The following EDRF1 variants were observed in gnomAD, a reference collection of about 807,000 sequenced individuals.
EDRF1 encodes erythroid differentiation-related factor 1.
Under a neutral mutation model 148.7 loss-of-function variants are expected in EDRF1, and 69 were observed. The observed-to-expected ratio is 0.46, with a 90% CI of 0.38 to 0.57. The LOEUF (loss-of-function observed/expected upper bound fraction) is 0.57, where lower values mean the gene tolerates loss of function less well. EDRF1 is among the 20% of genes least tolerant of loss of function. EDRF1 has a pLI of 0.00. For synonymous variants in EDRF1, 515 were observed against 532.8 expected, an observed-to-expected ratio of 0.97 and a Z score of 0.46; for missense variants, 1,118 against 1,478.7, an observed-to-expected ratio of 0.76 and a Z score of 4.00.
Position 125,749,708 on chromosome 10 carries a change from G to A in EDRF1, c.3277+143G>A, listed in dbSNP as rs993793834. The A allele has an allele frequency of 2.1e-5, 19 of 919,052 alleles. No homozygotes were observed. The Admixed American group carries it at 2.9e-4, about 14-fold the overall frequency. 56.9% of individuals were successfully genotyped at this position (919,052 alleles called of 1,614,324 possible). A position where few individuals can be genotyped will look rare whatever the true frequency, so the allele number is the denominator to read the frequency against. The stretch of plus-strand genomic sequence containing the variant: ...GTTAATGACTTCGGGTAGAGAGGGT[G>A]AGAAATCACTACATGTTTTGAAGTG... On this transcript the variant is annotated intron_variant, in intron 22 of 24. Transcript: ENST00000356792.
chr10:125,742,625 C>A (rs1849089365), intron 17 of EDRF1: 1 of 985,086 alleles, frequency 1.0e-6, no homozygotes, highest in African/African-American at 1.7e-5. Flanking sequence ...TACTCTAGTC[C>A]CCACTAGATG....
chr10:125,731,994 A>G (rs932574598), intron 9 of EDRF1: 14 of 392,886 alleles, frequency 3.6e-5, no homozygotes, highest in African/African-American at 2.4e-4. Flanking sequence ...CTGGCTGAGG[A>G]CATGCTTTGA....
chr10:125,745,454 T>G (rs371024525), intron 18 of EDRF1: 1 of 530,124 alleles, frequency 1.9e-6, no homozygotes, highest in South Asian at 2.1e-5. Flanking sequence ...AATTACGTCT[T>G]TAAAGGACCT....
Position 125,733,540 on chromosome 10 carries a change from G to A in EDRF1, c.1265G>A (p.Trp422Ter). The A allele has an allele frequency of 6.2e-7, 1 of 1,601,168 alleles. No individual in the cohort carries two copies. The highest frequency in any genetic ancestry group is 1.1e-5 in the South Asian group (1 of 90,778). ...SNCTKEGHTY[W>*]LFKASGSDIV... ...TGTACCAAAGAAGGACATACCTATTGGCTCTTTAAAGGTAAGCTATTAATA... is the reference window on the plus strand; with the variant it reads ...TGTACCAAAGAAGGACATACCTATTAGCTCTTTAAAGGTAAGCTATTAATA... The change falls in exon 10 of 25, where the codon TGG becomes TAG. Residue 422 changes from tryptophan to a stop codon, truncating the protein, a stop_gained. Transcript: ENST00000356792. LOFTEE classifies it high-confidence loss of function.
At chr10:125,738,195 A>T in intron 14 of EDRF1, 100 bp from the exon 15 acceptor site, 1 of 1,502,912 alleles carries the variant, frequency 6.7e-7, no homozygotes. Context: ...TGAGATGGAA[A>T]TTTTCCTAAA....
Position 125,728,282 on chromosome 10 carries a change from A to C in EDRF1, c.793-721A>C, listed in dbSNP as rs373859335. On this transcript the variant is annotated intron_variant, in intron 6 of 24. Transcript: ENST00000356792. Reference sequence around the variant, plus strand: ...ATTTGGGAAACATTGGTTTTTACAAAGATAAAGTAGATTTTTCTATTGCAG... The same window carrying C: ...ATTTGGGAAACATTGGTTTTTACAACGATAAAGTAGATTTTTCTATTGCAG... 5.0e-4 allele frequency among the ~76,000 whole-genome samples: 76 copies of C among 152,284 alleles called. 1 individual carries two copies. Among genetic ancestry groups the C allele is most frequent in the African/African-American group, 1.8e-3 (74 of 41,570 alleles).
Position 125,741,158 on chromosome 10 carries a change from C to T in EDRF1, c.2328C>T (p.Asp776=). The T allele has an allele frequency of 5.6e-6, 9 of 1,614,112 alleles. No individual in the cohort carries two copies. Among genetic ancestry groups the T allele is most frequent in the Non-Finnish European group, 7.6e-6 (9 of 1,180,040 alleles). Residue 776 remains aspartate, a synonymous_variant, in exon 17 of 25, where the codon GAC becomes GAT. Coordinates refer to ENST00000356792, the MANE Select transcript of EDRF1 (RefSeq NM_001202438.2). ...LEEFHYQTKE[D]QEILHSLHRE... is the part of the protein sequence containing the mutation. The stretch of plus-strand genomic sequence containing the variant: ...AGTTTCATTACCAAACAAAAGAAGA[C>T]CAGGAGATCCTGCATAGCCTTCACA...
chr10:125,752,883 T>C lies in EDRF1; in HGVS notation c.3362T>C (p.Ile1121Thr). The C allele has an allele frequency of 6.2e-7, 1 of 1,614,030 alleles. No individual in the cohort carries two copies. Among genetic ancestry groups the C allele is most frequent in the Non-Finnish European group, 8.5e-7 (1 of 1,179,964 alleles). Residue 1121 changes from isoleucine to threonine, a missense_variant, in exon 23 of 25, where the codon ATC (isoleucine) becomes ACC (threonine). Ile to Thr is a moderately conservative substitution (Grantham distance 89, BLOSUM62 -1). This residue lies in a region of EDRF1 where 954 missense variants were observed against 1,241.4 expected (regional missense o/e 0.77). Transcript: ENST00000356792. ...AGAACTGAGCACGCATTCCAGCTTA[T>C]CCAGAAGGAGCTTATAGAAGAATTT... ...MVRTEHAFQL[I>T]QKELIEEFGQ...
intron 6 of EDRF1, among the ~76,000 whole-genome samples, chr10:125,728,308 G>A (rs1174042332): frequency 6.6e-6 from 1 of 151,946 alleles, no homozygotes; most frequent in Non-Finnish European, 1.5e-5. Context: ...TCTATTGCAG[G>A]ATTACTTATT....
chr10:125,743,910 T>TAGTAAGATGTGGGATGGTGTA (rs1207878529), intron 18 of EDRF1, among the ~76,000 whole-genome samples: 2 of 152,020 alleles, frequency 1.3e-5, no homozygotes, highest in African/African-American at 4.8e-5. Context: ...TGGGATGGCG[T>TAGTAAGATGTGGGATGGTGTA]AGTAAGATGT....
Position 125,741,097 on chromosome 10 carries a change from C to T in EDRF1, c.2267C>T (p.Ala756Val). The T allele has an allele frequency of 6.2e-7, 1 of 1,614,024 alleles. No individual in the cohort carries two copies. Among genetic ancestry groups the T allele is most frequent in the Non-Finnish European group, 8.5e-7 (1 of 1,180,010 alleles). The change falls in exon 17 of 25, where the codon GCC becomes GTC. Residue 756 changes from alanine (A) to valine (V), a missense_variant. Ala to Val is a moderately conservative substitution (Grantham distance 64). This residue lies in a region of EDRF1 where 954 missense variants were observed against 1,241.4 expected (regional missense o/e 0.77). Coordinates refer to ENST00000356792, the MANE Select transcript of EDRF1 (RefSeq NM_001202438.2). ...TGTGGTGATATCCAACTAATGCTGG[C>T]CCAGAATGCAAATAATAGAGCAGCA... ...TLCGDIQLML[A>V]QNANNRAAHL...
intron 23 of EDRF1, among the ~76,000 whole-genome samples, chr10:125,753,161 T>C (rs1849726047): frequency 6.6e-6 from 1 of 152,230 alleles, no homozygotes; most frequent in South Asian, 2.1e-4. Context: ...TAACAAATTA[T>C]AAAGTCTCTT....
chr10:125,730,413 TG>T lies in EDRF1; in HGVS notation c.1128+15del, dbSNP rs1329457724. ...GGAATTGTACAGGTAAGATACAGTGTGATTTTTCTGATCTCTCAAATGCAAA... is the reference window on the plus strand; with the variant it reads ...GGAATTGTACAGGTAAGATACAGTGTATTTTTCTGATCTCTCAAATGCAAA... On this transcript the variant is annotated intron_variant, in intron 9 of 24. Transcript: ENST00000356792. The T allele has an allele frequency of 1.3e-6, 2 of 1,591,622 alleles. No homozygotes were observed. Among genetic ancestry groups the T allele is most frequent in the South Asian group, 2.2e-5 (2 of 90,590 alleles).
rs1217840136 is a variant in EDRF1 at position 125,753,703 on chromosome 10, G to A, written c.3403G>A (p.Gly1135Ser). 1.2e-6 allele frequency: 2 copies of A among 1,613,976 alleles called. No individual in the cohort carries two copies. Among genetic ancestry groups the A allele is most frequent in the Non-Finnish European group, 1.7e-6 (2 of 1,180,016 alleles). ...TTTTTGTTGTTTTTAGCCTAAGAGT[G>A]GTGACGCCGCTGCAGCTGCTGATGC... is the stretch of plus-strand genomic sequence containing the variant. The part of the protein sequence containing the change: ...LIEEFGQPKS[G>S]DAAAAADASP... Residue 1135 changes from glycine to serine, a missense_variant, in exon 24 of 25, where the codon GGT (glycine) becomes AGT (serine). Gly to Ser is a moderately conservative substitution (Grantham distance 56, BLOSUM62 0). Coordinates refer to ENST00000356792, the MANE Select transcript of EDRF1 (RefSeq NM_001202438.2).
At position 125,753,736 on chromosome 10, in the gene EDRF1, A is replaced by C. The variant is rs1407070296; in HGVS notation, c.3436A>C (p.Ser1146Arg). ...DAAAAADASPSLNREEVMKLL... is the reference protein window; with the variant it reads ...DAAAAADASPRLNREEVMKLL... ...CGCTGCAGCTGCTGATGCTTCTCCT[A>C]GTCTCAATCGAGAAGAAGTGATGAA... Residue 1146 changes from serine (S) to arginine (R), a missense_variant, in exon 24 of 25, where the codon AGT (serine) becomes CGT (arginine). Coordinates refer to ENST00000356792, the MANE Select transcript of EDRF1 (RefSeq NM_001202438.2). 2 of 1,613,886 alleles carry C rather than the reference A, an allele frequency of 1.2e-6. No homozygotes were observed. Among genetic ancestry groups the C allele is most frequent in the South Asian group, 1.1e-5 (1 of 91,054 alleles).
intron 21 of EDRF1, 174 bp downstream of exon 21, chr10:125,748,186 A>C (rs1849463480): frequency 1.3e-6 from 1 of 745,128 alleles, no homozygotes; most frequent in Admixed American, 2.1e-5. Context: ...CTTAAACAAT[A>C]TGTCCGCATT....
At chr10:125,738,536 TTGAAAGGCA>T (rs1196655243) in intron 15 of EDRF1, 91 bp downstream of exon 15, 20 of 1,443,934 alleles carry the variant, frequency 1.4e-5, no homozygotes, top group Admixed American at 3.5e-5. Flanking sequence ...AAGGCATTAA[TTGAAAGGCA>T]TTGAGAAAAA....
chr10:125,752,728 TA>T (rs1165074564), intron 22 of EDRF1, 70 bp from the exon 23 acceptor site: 2 of 1,016,380 alleles, frequency 2.0e-6, no homozygotes, highest in Non-Finnish European at 3.1e-6. Flanking sequence ...GAATTTTCAT[TA>T]ATACATTAAC....
chr10:125,725,170 G>A, intron 4 of EDRF1, 148 bp from the exon 5 acceptor site: 1 of 971,442 alleles, frequency 1.0e-6, no homozygotes, highest in Non-Finnish European at 1.5e-6. Context: ...AAGGTGGTAT[G>A]AATTGACCCA....
Sources: gnomAD v4.1 joint callset for allele counts (sites outside exome capture counted in the v4.1 genomes callset) on GRCh38, gnomAD v4.1.1 for gene constraint, gnomAD v4.1.1 regional missense constraint, MANE v1.5 for transcripts, NCBI Gene and HGNC (gene_info 2026-07-23, HGNC 2026-07-21) for gene names.